The following ZFPM2 variants were observed in gnomAD, a reference collection of about 807,000 sequenced individuals.
ZFPM2 encodes the protein zinc finger protein, FOG family member 2, also known as zinc finger protein ZFPM2.
A neutral mutation model predicts 98.6 loss-of-function variants in ZFPM2; 20 were observed. The ratio of observed to expected loss-of-function variants is 0.20; its 90% confidence interval spans 0.14 to 0.29. ZFPM2 has a LOEUF of 0.29. Ranked by LOEUF, ZFPM2 falls within the 10% of genes least tolerant of loss-of-function variation. The pLI, the probability that ZFPM2 is intolerant of heterozygous loss-of-function variation, is 1.00. For synonymous variants in ZFPM2, 518 were observed against 502.7 expected (o/e 1.03, Z -0.41); for missense variants, 1,310 against 1,388.6 (o/e 0.94, Z 0.90).
chr8:105,350,516 C>T (rs1450364674), intron 1 of ZFPM2, among the ~76,000 whole-genome samples: 1 of 146,514 alleles, frequency 6.8e-6, no homozygotes, highest in Non-Finnish European at 1.5e-5. Flanking sequence ...ACTGCATAGA[C>T]TGAATCTTAG....
chr8:105,505,588 G>C (rs1471737510), intron 3 of ZFPM2, among the ~76,000 whole-genome samples: 3 of 151,822 alleles, frequency 2.0e-5, no homozygotes, highest in Admixed American at 2.0e-4. Flanking sequence ...TAGAAATACA[G>C]TATTTGGCTT....
chr8:105,517,711 A>AC (rs1370535830), intron 3 of ZFPM2, among the ~76,000 whole-genome samples: 4 of 133,566 alleles, frequency 3.0e-5, no homozygotes, highest in African/African-American at 1.3e-4. Context: ...CACACACCAC[A>AC]CACACACACA....
chr8:105,612,597 A>G (rs1289037605), intron 4 of ZFPM2, among the ~76,000 whole-genome samples: 4 of 152,198 alleles, frequency 2.6e-5, no homozygotes, highest in Non-Finnish European at 4.4e-5. Context: ...GTCATCTAAC[A>G]TTAACAACAT....
At chr8:105,728,359 T>C (rs1384291130) in intron 5 of ZFPM2, among the ~76,000 whole-genome samples, 1 of 151,760 alleles carries the variant, frequency 6.6e-6, no homozygotes, top group Non-Finnish European at 1.5e-5. Flanking sequence ...AAACAATTTA[T>C]GCTATGTACT....
At chr8:105,684,639 A>G (rs948061214) in intron 5 of ZFPM2, among the ~76,000 whole-genome samples, 3 of 152,114 alleles carry the variant, frequency 2.0e-5, no homozygotes, top group African/African-American at 7.2e-5. Flanking sequence ...CAGTATTGTT[A>G]AAATAATATA....
At chr8:105,421,460 T>C (rs1202738365) in intron 2 of ZFPM2, among the ~76,000 whole-genome samples, 2 of 152,258 alleles carry the variant, frequency 1.3e-5, no homozygotes, top group South Asian at 2.1e-4. Flanking sequence ...ATATTACTAT[T>C]GATAGGAAAA....
At chr8:105,720,214 A>G (rs1435981316) in intron 5 of ZFPM2, among the ~76,000 whole-genome samples, 1 of 151,848 alleles carries the variant, frequency 6.6e-6, no homozygotes, top group Non-Finnish European at 1.5e-5. Context: ...TTTATTATTC[A>G]TACGATTCTG....
chr8:105,645,209 A>G (rs542428284), intron 5 of ZFPM2, among the ~76,000 whole-genome samples: 4 of 152,312 alleles, frequency 2.6e-5, no homozygotes, highest in Non-Finnish European at 5.9e-5. Context: ...TAGTCTTACA[A>G]TATTCTTCTT....
chr8:105,429,710 A>T (rs1008642044), intron 2 of ZFPM2, among the ~76,000 whole-genome samples: 4 of 151,830 alleles, frequency 2.6e-5, no homozygotes, highest in Non-Finnish European at 5.9e-5. Context: ...CCAAAAAAAA[A>T]AAAAAATGGA....
At chr8:105,476,837 A>G in intron 3 of ZFPM2, among the ~76,000 whole-genome samples, 1 of 148,230 alleles carries the variant, frequency 6.7e-6, no homozygotes, top group Non-Finnish European at 1.5e-5. Flanking sequence ...GGTACTAGGG[A>G]TGGTGTTGGG....
chr8:105,626,570 G>C (rs1189617433), intron 4 of ZFPM2, among the ~76,000 whole-genome samples: 1 of 151,964 alleles, frequency 6.6e-6, no homozygotes, highest in African/African-American at 2.4e-5. Context: ...CAGTGGTGGT[G>C]GTGTACAATT....
intron 1 of ZFPM2, among the ~76,000 whole-genome samples, chr8:105,342,584 C>T (rs751651722): frequency 1.3e-5 from 2 of 151,694 alleles, no homozygotes; most frequent in Non-Finnish European, 2.9e-5. Context: ...CTATATAAGA[C>T]AGCCACAGAG....
intron 5 of ZFPM2, among the ~76,000 whole-genome samples, chr8:105,670,232 G>A (rs1470966744): frequency 1.3e-5 from 2 of 152,040 alleles, no homozygotes; most frequent in Non-Finnish European, 2.9e-5. Flanking sequence ...CACAGTGGCT[G>A]AAGCCTGTAA....
intron 5 of ZFPM2, among the ~76,000 whole-genome samples, chr8:105,770,151 G>GA: frequency 6.6e-6 from 1 of 152,004 alleles, no homozygotes; most frequent in Non-Finnish European, 1.5e-5. Context: ...GAGAATACTG[G>GA]AAAAAAATTG....
intron 5 of ZFPM2, among the ~76,000 whole-genome samples, chr8:105,690,339 T>C (rs1810847537): frequency 6.6e-6 from 1 of 152,220 alleles, no homozygotes. Flanking sequence ...AATAAGCCAG[T>C]GCTGTTATCG....
intron 4 of ZFPM2, among the ~76,000 whole-genome samples, chr8:105,586,627 T>C (rs964117341): frequency 7.5e-4 from 114 of 151,580 alleles, no homozygotes; most frequent in African/African-American, 2.7e-3. Context: ...TTCACCATAT[T>C]GGCCAGGCTG....
chr8:105,410,039 G>A (rs1377449751), intron 1 of ZFPM2, among the ~76,000 whole-genome samples: 1 of 151,804 alleles, frequency 6.6e-6, no homozygotes, highest in African/African-American at 2.4e-5. Flanking sequence ...GAAAAGAATC[G>A]CTTTAATAGG....
Position 105,477,467 on chromosome 8 carries a change from A to G in ZFPM2, c.301+33086A>G, listed in dbSNP as rs147850041. ...ACCATGTTGGTCAGGCTGATCTCAA[A>G]CTCCTGACCTCGTGATCCACCCACC... On this transcript the variant is annotated intron_variant, in intron 3 of 7. Coordinates refer to ENST00000407775, the MANE Select transcript of ZFPM2 (RefSeq NM_012082.4). 2.9e-3 allele frequency among the ~76,000 whole-genome samples: 434 copies of G among 151,740 alleles called. 4 individuals carry two copies. Among genetic ancestry groups the G allele is most frequent in the African/African-American group, 9.9e-3 (409 of 41,376 alleles).
intron 1 of ZFPM2, among the ~76,000 whole-genome samples, chr8:105,365,902 G>A (rs1034950881): frequency 5.9e-5 from 9 of 152,034 alleles, no homozygotes; most frequent in East Asian, 1.9e-4. Context: ...TTAGTTTTCC[G>A]TGCAATTCAG....
Sources: gnomAD v4.1 joint callset for allele counts (sites outside exome capture counted in the v4.1 genomes callset) on GRCh38, gnomAD v4.1.1 for gene constraint, MANE v1.5 for transcripts, NCBI Gene and HGNC (gene_info 2026-07-23, HGNC 2026-07-21) for gene names.